SYNRG: variants seen among roughly 807,000 people sequenced by gnomAD.
SYNRG encodes the protein synergin gamma.
A neutral mutation model predicts 130.9 loss-of-function variants in SYNRG; 37 were observed. That is an observed-to-expected ratio of 0.28 (90% confidence interval 0.22 to 0.37). The LOEUF (loss-of-function observed/expected upper bound fraction) is 0.37, where lower values mean the gene tolerates loss of function less well. Among genes scored for constraint, SYNRG ranks in the 10% least tolerant of loss-of-function variants. The pLI, the probability that SYNRG is intolerant of heterozygous loss-of-function variation, is 1.00. For synonymous variants in SYNRG, 539 were observed against 568.1 expected, an observed-to-expected ratio of 0.95 and a Z score of 0.73; for missense variants, 1,338 against 1,588.9, an observed-to-expected ratio of 0.84 and a Z score of 2.68.
At chr17:37,607,750 C>CT (rs1344141955) in intron 1 of SYNRG, among the ~76,000 whole-genome samples, 1 of 152,160 alleles carries the variant, frequency 6.6e-6, no homozygotes, top group East Asian at 1.9e-4. Flanking sequence ...CATCGTGCCA[C>CT]TGCACTCTAG....
rs745811542 is a variant in SYNRG, at chr17:37,596,238, T to C, written c.225A>G (p.Gly75=). ...AAGCAAGTACCTGCATAGCAATAGGTCCTTGGGACATCTGAGAGCTGTAAT... is the reference window on the plus strand; with the variant it reads ...AAGCAAGTACCTGCATAGCAATAGGCCCTTGGGACATCTGAGAGCTGTAAT... The part of the protein sequence containing the change: ...GMNYSSQMSQ[G]PIAMQAGIPM... Residue 75 remains glycine (G), a synonymous_variant, in exon 3 of 22, where the codon GGA becomes GGG. Transcript: ENST00000612223. The C allele has an allele frequency of 8.7e-6, 14 of 1,613,982 alleles. No individual in the cohort carries two copies. Among genetic ancestry groups the C allele is most frequent in the African/African-American group, 1.3e-5 (1 of 74,914 alleles).
At chr17:37,595,786 A>G (rs963822170) in intron 3 of SYNRG, among the ~76,000 whole-genome samples, 1 of 137,756 alleles carries the variant, frequency 7.3e-6, no homozygotes, top group East Asian at 2.0e-4. Context: ...CGGGAGTCTC[A>G]CTTTGTTGCC....
chr17:37,561,058 T>G (rs1397155609), intron 13 of SYNRG, 137 bp downstream of exon 13: 11 of 710,904 alleles, frequency 1.5e-5, no homozygotes, highest in Non-Finnish European at 2.5e-5. Flanking sequence ...TATTGTTTTG[T>G]CCATTCAGTT....
chr17:37,542,544 G>A lies in SYNRG; in HGVS notation c.2630C>T (p.Ala877Val), dbSNP rs751372091. ...ATTGCTACTGTAGCTTCCAAAAGCA[G>A]CATATTTTAAGTCCTCTATATCTGA... ...PAADIEDLKY[A>V]AFGSYSSNFA... Residue 877 changes from alanine to valine, a missense_variant, in exon 15 of 22, where the codon GCT (alanine) becomes GTT (valine). Physicochemically the swap from Ala to Val is moderately conservative, Grantham distance 64. Around this residue, in one of 3 missense-constraint regions of SYNRG, gnomAD observed 1,146 missense variants for 1,342.3 expected, o/e 0.85. Coordinates refer to ENST00000612223, the MANE Select transcript of SYNRG (RefSeq NM_007247.6). 1.9e-6 allele frequency: 3 copies of A among 1,611,358 alleles called. No individual in the cohort carries two copies. The Admixed American group carries it at 5.0e-5, about 27-fold the overall frequency.
chr17:37,557,716 G>A (rs2059220357), intron 13 of SYNRG, among the ~76,000 whole-genome samples: 1 of 152,140 alleles, frequency 6.6e-6, no homozygotes, highest in Non-Finnish European at 1.5e-5. Flanking sequence ...CCACTGTGGT[G>A]ATGCACATCT....
intron 13 of SYNRG, 26 bp downstream of exon 13, chr17:37,561,169 A>G: frequency 6.3e-7 from 1 of 1,587,424 alleles, no homozygotes; most frequent in Non-Finnish European, 8.6e-7. Flanking sequence ...GAAATAATTT[A>G]TCCTTTTGAG....
chr17:37,541,291 C>T (rs2057735181), intron 15 of SYNRG: 15 of 980,896 alleles, frequency 1.5e-5, no homozygotes, highest in Admixed American at 6.1e-5. Flanking sequence ...AAGAGGCAAA[C>T]TCAAATGCCT....
intron 1 of SYNRG, among the ~76,000 whole-genome samples, chr17:37,605,018 AAATAAT>A (rs1348430730): frequency 6.6e-6 from 1 of 152,232 alleles, no homozygotes; most frequent in Non-Finnish European, 1.5e-5. Context: ...TCACCATAAC[AAATAAT>A]AATAATGAAA....
intron 6 of SYNRG, among the ~76,000 whole-genome samples, chr17:37,580,508 T>TGAGAGAGA (rs1470548930): frequency 9.1e-4 from 122 of 133,746 alleles, no homozygotes; most frequent in East Asian, 5.1e-3. Context: ...TGTGTGTGTG[T>TGAGAGAGA]GTGAGAGAGA....
At chr17:37,520,348 G>GC (rs1196974598) in intron 20 of SYNRG, 134 bp from the exon 21 acceptor site, 2 of 1,232,416 alleles carry the variant, frequency 1.6e-6, no homozygotes, top group African/African-American at 3.0e-5. Context: ...CATGAGAGCC[G>GC]CGTCCATTCC....
chr17:37,518,846 C>G lies in SYNRG; in HGVS notation c.*94G>C. 1 of 1,505,284 alleles carries G rather than the reference C, an allele frequency of 6.6e-7. No individual in the cohort carries two copies. Among genetic ancestry groups the G allele is most frequent in the Non-Finnish European group, 8.9e-7 (1 of 1,118,710 alleles). 93.2% of individuals were successfully genotyped at this position (1,505,284 alleles called of 1,614,324 possible). On this transcript the variant is annotated 3_prime_UTR_variant, in exon 22 of 22. Transcript: ENST00000612223. ...TGTTCTTCATATCGATTCAGGGAAGCGAACTGTGCAGTGCTCGCATTCTAT... is the reference window on the plus strand; with the variant it reads ...TGTTCTTCATATCGATTCAGGGAAGGGAACTGTGCAGTGCTCGCATTCTAT...
intron 19 of SYNRG, among the ~76,000 whole-genome samples, chr17:37,521,261 T>G (rs1217988077): frequency 6.6e-6 from 1 of 151,912 alleles, no homozygotes; most frequent in South Asian, 2.1e-4. Flanking sequence ...AACTCCTGAT[T>G]GCAGGTGATC....
intron 1 of SYNRG, among the ~76,000 whole-genome samples, chr17:37,601,187 C>A (rs948731717): frequency 7.9e-5 from 12 of 152,096 alleles, no homozygotes; most frequent in African/African-American, 2.9e-4. Flanking sequence ...CCTGCCTCAG[C>A]CTCCTGAGTA....
chr17:37,570,807 T>C lies in SYNRG; in HGVS notation c.1177A>G (p.Met393Val), dbSNP rs2060371585. 5 of 1,614,174 alleles carry C rather than the reference T, an allele frequency of 3.1e-6. No homozygotes were observed. Among genetic ancestry groups the C allele is most frequent in the Non-Finnish European group, 4.2e-6 (5 of 1,180,038 alleles). ...TGACTCACCGGTGTAGGCAGAGTCATAGAAAAGCCACTTAAAGTTGGAATA... is the reference window on the plus strand; with the variant it reads ...TGACTCACCGGTGTAGGCAGAGTCACAGAAAAGCCACTTAAAGTTGGAATA... ...APIPTLSGFS[M>V]TLPTPVSQPT... Residue 393 changes from methionine (M) to valine (V), a missense_variant, in exon 10 of 22, where the codon ATG (methionine) becomes GTG (valine). This residue lies in a region of SYNRG where 1,146 missense variants were observed against 1,342.3 expected (regional missense o/e 0.85). Transcript: ENST00000612223.
rs1667985995 is a variant in SYNRG at position 37,539,231 on chromosome 17, A to AT, written c.3380dup (p.Tyr1127Ter). 6.2e-7 allele frequency: 1 copy of AT among 1,614,084 alleles called. No homozygotes were observed. Among genetic ancestry groups the AT allele is most frequent in the Admixed American group, 1.7e-5 (1 of 60,012 alleles). ...LTGEVEENER[Y>*]AYEWQRCLGS... ...CCAGGCATCTCTGCCATTCATATGC[A>AT]TATCTCTCATTTTCCTGTGAATTTG... The change falls in exon 17 of 22, where the codon TAT becomes TAAT. Residue 1127 changes from tyrosine to a stop codon, truncating the protein, a stop_gained and frameshift_variant. Coordinates refer to ENST00000612223, the MANE Select transcript of SYNRG (RefSeq NM_007247.6). LOFTEE classifies it high-confidence loss of function.
intron 19 of SYNRG, among the ~76,000 whole-genome samples, chr17:37,521,962 G>A (rs1391531064): frequency 1.3e-5 from 2 of 152,100 alleles, no homozygotes; most frequent in Non-Finnish European, 2.9e-5. Context: ...AGCTGCCTGT[G>A]GGACAGCGAA....
rs79770086 is a variant in SYNRG, at chr17:37,562,297, A to G, written c.1482-708T>C. Among the ~76,000 whole-genome samples the G allele has an allele frequency of 3.9e-3, 593 of 152,368 alleles. 1 individual carries two copies. Among genetic ancestry groups the G allele is most frequent in the South Asian group, 7.2e-3 (35 of 4,830 alleles). ...GATAAAGATACTTTTGCCTGTGGAC[A>G]TATTTCGTGCTGGATGGAAAAATAG... is the stretch of plus-strand genomic sequence containing the variant. On this transcript the variant is annotated intron_variant, in intron 11 of 21. Coordinates refer to ENST00000612223, the MANE Select transcript of SYNRG (RefSeq NM_007247.6).
intron 19 of SYNRG, among the ~76,000 whole-genome samples, chr17:37,530,644 A>T (rs2144332136): frequency 6.6e-6 from 1 of 152,318 alleles, no homozygotes; most frequent in Non-Finnish European, 1.5e-5. Flanking sequence ...ATAACAGTTA[A>T]CCAATCCATT....
At chr17:37,540,354 C>T (rs746061508) in intron 16 of SYNRG, 26 bp downstream of exon 16, 1 of 1,611,120 alleles carries the variant, frequency 6.2e-7, no homozygotes, top group Non-Finnish European at 8.5e-7. Flanking sequence ...CTGTTACCCA[C>T]CCCTTGTAGA....
Sources: gnomAD v4.1 joint callset for allele counts (sites outside exome capture counted in the v4.1 genomes callset) on GRCh38, gnomAD v4.1.1 for gene constraint, gnomAD v4.1.1 regional missense constraint, MANE v1.5 for transcripts, NCBI Gene and HGNC (gene_info 2026-07-23, HGNC 2026-07-21) for gene names.